The following TLE4 variants were observed in gnomAD, a reference collection of about 807,000 sequenced individuals.
The protein encoded by TLE4 is transducin-like enhancer protein 4.
A neutral mutation model predicts 92.8 loss-of-function variants in TLE4; 8 were observed. The observed-to-expected ratio is 0.09, with a 90% CI of 0.05 to 0.16. The LOEUF (loss-of-function observed/expected upper bound fraction) is 0.16, where lower values mean the gene tolerates loss of function less well. Among genes scored for constraint, TLE4 ranks in the 10% least tolerant of loss-of-function variants. The pLI, the probability that TLE4 is intolerant of heterozygous loss-of-function variation, is 1.00. For synonymous variants in TLE4, 371 were observed against 374.1 expected (o/e 0.99, Z 0.10); for missense variants, 675 against 997.6 (o/e 0.68, Z 4.36).
intron 3 of TLE4, 195 bp downstream of exon 3, chr9:79,575,131 G>T: frequency 2.8e-6 from 1 of 360,208 alleles, no homozygotes; most frequent in South Asian, 5.8e-5. Context: ...GGCTTTGATT[G>T]GAATTTTCAG....
At chr9:79,696,917 A>G (rs4242613) in intron 8 of TLE4, among the ~76,000 whole-genome samples, 137,338 of 152,134 alleles carry the variant, frequency 0.9, 62,021 homozygotes, top group Middle Eastern at 0.92. Flanking sequence ...GATTTTTGCC[A>G]ACCCTCTCCA....
chr9:79,697,534 T>G lies in TLE4; in HGVS notation c.610-7249T>G, dbSNP rs967663227. ...CCTACATAAGAATCAACCCTGTGTCTTTGGCATCAAAGCATCATGTCCCAG... is the reference window on the plus strand; with the variant it reads ...CCTACATAAGAATCAACCCTGTGTCGTTGGCATCAAAGCATCATGTCCCAG... On this transcript the variant is annotated intron_variant, in intron 8 of 19. Transcript: ENST00000376552. 7.9e-5 allele frequency among the ~76,000 whole-genome samples: 12 copies of G among 152,202 alleles called. No homozygotes were observed. The East Asian group carries it at 1.7e-3, about 22-fold the overall frequency.
intron 4 of TLE4, among the ~76,000 whole-genome samples, chr9:79,583,764 C>G (rs1373305398): frequency 6.6e-6 from 1 of 152,126 alleles, no homozygotes; most frequent in Non-Finnish European, 1.5e-5. Context: ...AAAGAATAGT[C>G]ATAGTAGAAA....
chr9:79,677,461 T>C (rs941136151), intron 8 of TLE4, among the ~76,000 whole-genome samples: 2 of 152,118 alleles, frequency 1.3e-5, no homozygotes, highest in African/African-American at 2.4e-5. Context: ...TAAGATTTCC[T>C]TCTCTTTTTC....
intron 6 of TLE4, among the ~76,000 whole-genome samples, chr9:79,643,108 A>G (rs1036815808): frequency 4.6e-5 from 7 of 152,200 alleles, no homozygotes; most frequent in Non-Finnish European, 7.3e-5. Context: ...AGAAGGGCAC[A>G]TCTTATTTTC....
At chr9:79,686,382 G>T (rs561781177) in intron 8 of TLE4, among the ~76,000 whole-genome samples, 1 of 152,092 alleles carries the variant, frequency 6.6e-6, no homozygotes, top group Non-Finnish European at 1.5e-5. Context: ...TTTCTCTTCG[G>T]GGTTGAATTG....
At chr9:79,651,599 G>A (rs1441319936) in intron 6 of TLE4, among the ~76,000 whole-genome samples, 1 of 152,198 alleles carries the variant, frequency 6.6e-6, no homozygotes, top group Non-Finnish European at 1.5e-5. Context: ...CTTTTCATTC[G>A]AGCATCACTA....
intron 8 of TLE4, among the ~76,000 whole-genome samples, chr9:79,666,197 G>T (rs1456459095): frequency 7.2e-5 from 10 of 139,122 alleles, no homozygotes; most frequent in African/African-American, 2.6e-4. Context: ...GTGTGTGTGT[G>T]GGTGGGGTTT....
chr9:79,701,087 C>G (rs2069721037), intron 8 of TLE4, among the ~76,000 whole-genome samples: 5 of 152,174 alleles, frequency 3.3e-5, no homozygotes, highest in African/African-American at 1.2e-4. Context: ...CTCTTATTCA[C>G]ATGCCTAGCA....
intron 8 of TLE4, among the ~76,000 whole-genome samples, chr9:79,670,899 C>T (rs1213098619): frequency 1.3e-5 from 2 of 151,178 alleles, no homozygotes; most frequent in East Asian, 1.9e-4. Context: ...TTTTAGTGTA[C>T]AGTATGAGTA....
At chr9:79,715,425 C>T (rs2074293583) in intron 14 of TLE4, among the ~76,000 whole-genome samples, 1 of 151,986 alleles carries the variant, frequency 6.6e-6, no homozygotes, top group Admixed American at 6.5e-5. Context: ...CTTGTCTGAA[C>T]TGAAATCTGG....
At chr9:79,588,919 G>C (rs144997520) in intron 4 of TLE4, among the ~76,000 whole-genome samples, 107 of 152,304 alleles carry the variant, frequency 7.0e-4, no homozygotes, top group African/African-American at 2.5e-3. Flanking sequence ...AAAGAATTAG[G>C]GAGGTACTGT....
chr9:79,718,595 C>A, intron 14 of TLE4, 127 bp from the exon 15 acceptor site: 3 of 1,355,862 alleles, frequency 2.2e-6, no homozygotes, highest in South Asian at 3.0e-5. Flanking sequence ...ACTGTATGGA[C>A]AAATTCGATT....
intron 4 of TLE4, among the ~76,000 whole-genome samples, chr9:79,593,436 C>G (rs2043166194): frequency 6.6e-6 from 1 of 152,072 alleles, no homozygotes; most frequent in Admixed American, 6.5e-5. Flanking sequence ...GCACTTGTGG[C>G]AAAAGTTTCT....
intron 4 of TLE4, among the ~76,000 whole-genome samples, chr9:79,579,447 T>C (rs1174347779): frequency 6.6e-6 from 1 of 152,176 alleles, no homozygotes; most frequent in African/African-American, 2.4e-5. Flanking sequence ...ATTCAACCTA[T>C]AGGAACTATA....
chr9:79,633,858 A>G (rs1044102692), intron 6 of TLE4, among the ~76,000 whole-genome samples: 10 of 152,174 alleles, frequency 6.6e-5, no homozygotes, highest in Admixed American at 3.9e-4. Flanking sequence ...AGCATGGGCT[A>G]TAAGAGACAG....
At chr9:79,581,830 C>G (rs1199082175) in intron 4 of TLE4, among the ~76,000 whole-genome samples, 2 of 152,096 alleles carry the variant, frequency 1.3e-5, no homozygotes, top group Admixed American at 1.3e-4. Flanking sequence ...CGCAGAACCT[C>G]TTGAGTTGGG....
At chr9:79,608,937 A>G (rs1365564537) in intron 4 of TLE4, among the ~76,000 whole-genome samples, 1 of 152,066 alleles carries the variant, frequency 6.6e-6, no homozygotes, top group Non-Finnish European at 1.5e-5. Flanking sequence ...TTTTTATTGT[A>G]TCAGGTCTAT....
At chr9:79,578,443 G>C (rs1224167931) in intron 4 of TLE4, among the ~76,000 whole-genome samples, 1 of 152,150 alleles carries the variant, frequency 6.6e-6, no homozygotes, top group African/African-American at 2.4e-5. Flanking sequence ...TTTATTTTTA[G>C]AGAAATTTTT....
Sources: gnomAD v4.1 joint callset for allele counts (sites outside exome capture counted in the v4.1 genomes callset) on GRCh38, gnomAD v4.1.1 for gene constraint, MANE v1.5 for transcripts, NCBI Gene and HGNC (gene_info 2026-07-23, HGNC 2026-07-21) for gene names.